The following MASP1 variants were observed in gnomAD, a reference collection of about 807,000 sequenced individuals.
MASP1 encodes mannan-binding lectin serine protease 1.
In MASP1, 59 loss-of-function variants were observed where a neutral mutation model predicts 77.1. That is an observed-to-expected ratio of 0.77 (90% CI 0.62 to 0.95). The LOEUF is 0.95. Among genes scored for constraint, MASP1 ranks in the 40% least tolerant of loss-of-function variants. The probability of loss-of-function intolerance (pLI) is 0.00; values close to 1 mark genes in which losing one functional copy is unlikely to be tolerated. For missense variants in MASP1, 885 were observed against 912.9 expected (o/e 0.97, Z 0.39); for synonymous variants, 362 against 354.5 (o/e 1.02, Z -0.24).
At chr3:187,272,396 CTG>C (rs1716598542) in intron 2 of MASP1, among the ~76,000 whole-genome samples, 1 of 152,164 alleles carries the variant, frequency 6.6e-6, no homozygotes, top group Admixed American at 6.5e-5. Flanking sequence ...CTTAAACTCT[CTG>C]TACTGTAGGG....
At chr3:187,262,131 G>T (rs1715632098) in intron 3 of MASP1, among the ~76,000 whole-genome samples, 1 of 152,166 alleles carries the variant, frequency 6.6e-6, no homozygotes, top group Non-Finnish European at 1.5e-5. Context: ...TGGTGGTAAA[G>T]TTCAGTGTCT....
intron 14 of MASP1, chr3:187,221,190 C>T: frequency 7.7e-7 from 1 of 1,297,036 alleles, no homozygotes; most frequent in Non-Finnish European, 1.1e-6. Context: ...CTCTGCTATT[C>T]TGACACCCCT....
At position 187,291,479 on chromosome 3, in the gene MASP1, T is replaced by C. The variant is rs550197231; in HGVS notation, c.5+149A>G. ...GCACCCAGCCCACCCACAGCTCCCT[T>C]CTCAGAGCCCTAAGAATTGATGAGA... On this transcript the variant is annotated intron_variant, in intron 1 of 10. Transcript: ENST00000296280. The C allele has an allele frequency of 2.7e-6, 3 of 1,099,818 alleles. No individual in the cohort carries two copies. In the Admixed American group the frequency reaches 5.6e-5, roughly 20 times the overall value. 68.1% of individuals were successfully genotyped at this position (1,099,818 alleles called of 1,614,324 possible).
rs759372241 is a variant in MASP1, at chr3:187,235,604, G to C, written c.*80C>G. 4 of 1,601,084 alleles carry C rather than the reference G, an allele frequency of 2.5e-6. No homozygotes were observed. The highest frequency in any genetic ancestry group is 1.3e-5 in the African/African-American group (1 of 74,898). On this transcript the variant is annotated 3_prime_UTR_variant, in exon 11 of 11. Coordinates refer to ENST00000296280, the MANE Select transcript of MASP1 (RefSeq NM_139125.4). ...CAGTGTGTTCCATTCCATATGGTCT[G>C]ATAAGTAATGTGGAGTGTGCTGTCG...
downstream of MASP1, chr3:187,234,031 A>C (rs986428127): frequency 8.5e-7 from 1 of 1,170,766 alleles, no homozygotes; most frequent in Non-Finnish European, 1.1e-6. Flanking sequence ...CAAAAAAGTT[A>C]AAACAAATGA....
At chr3:187,248,688 G>A (rs190376567) in intron 8 of MASP1, among the ~76,000 whole-genome samples, 18 of 152,190 alleles carry the variant, frequency 1.2e-4, no homozygotes, top group Non-Finnish European at 2.2e-4. Context: ...CGCCATGCCC[G>A]GACCTTGTCT....
rs142630054 is a variant in MASP1 at position 187,236,285 on chromosome 3, G to A, written c.1586C>T (p.Ser529Leu). Residue 529 changes from serine (S) to leucine (L), a missense_variant, in exon 11 of 11, where the codon TCG (serine) becomes TTG (leucine). Coordinates refer to ENST00000296280, the MANE Select transcript of MASP1 (RefSeq NM_139125.4). ...YLGLHDVRDK[S>L]GAVNSSAARV... is the part of the protein sequence containing the mutation. ...GGCAGCTGAGCTGTTGACTGCCCCC[G>A]ATTTGTCTCGCACATCATGCAAGCC... 10 of 1,614,108 alleles carry A rather than the reference G, an allele frequency of 6.2e-6. No individual in the cohort carries two copies. The highest frequency in any genetic ancestry group is 3.3e-5 in the Admixed American group (2 of 60,012).
chr3:187,257,830 C>T (rs1715222199), intron 4 of MASP1, among the ~76,000 whole-genome samples: 1 of 152,186 alleles, frequency 6.6e-6, no homozygotes, highest in Admixed American at 6.5e-5. Context: ...AATGGGCCCC[C>T]TGTGGCAAAG....
At chr3:187,286,850 C>T (rs1455893806) in intron 1 of MASP1, among the ~76,000 whole-genome samples, 2 of 152,178 alleles carry the variant, frequency 1.3e-5, no homozygotes, top group African/African-American at 4.8e-5. Context: ...CTTGCCTCAT[C>T]ACTCCTCTCC....
At chr3:187,222,559 T>A (rs1388680967) in intron 14 of MASP1, among the ~76,000 whole-genome samples, 1 of 152,196 alleles carries the variant, frequency 6.6e-6, no homozygotes, top group African/African-American at 2.4e-5. Context: ...TGTTGCCCCA[T>A]AACTCTGCAG....
Position 187,243,492 on chromosome 3 carries a change from T to C in MASP1, c.1220A>G (p.Asn407Ser). The change falls in exon 9 of 11, where the codon AAT (asparagine) becomes AGT (serine). Residue 407 changes from asparagine to serine, a missense_variant. Asn to Ser is a conservative substitution (Grantham distance 46). Coordinates refer to ENST00000296280, the MANE Select transcript of MASP1 (RefSeq NM_139125.4). ...CQEPYYKMLN[N>S]NTGIYTCSAQ... Reference sequence around the variant, plus strand: ...TAGCATGGATGGCTTACCTGTGTTATTGTTGAGCATCTTGTAATAGGGCTC... The same window carrying C: ...TAGCATGGATGGCTTACCTGTGTTACTGTTGAGCATCTTGTAATAGGGCTC... 1 of 1,614,208 alleles carries C rather than the reference T, an allele frequency of 6.2e-7. No homozygotes were observed. The highest frequency in any genetic ancestry group is 1.1e-5 in the South Asian group (1 of 91,080).
intron 8 of MASP1, among the ~76,000 whole-genome samples, chr3:187,245,340 C>A (rs1713987134): frequency 6.6e-6 from 1 of 152,104 alleles, no homozygotes; most frequent in Admixed American, 6.5e-5. Flanking sequence ...CCTGACCGCC[C>A]AGTTCAGGAA....
intron 2 of MASP1, among the ~76,000 whole-genome samples, chr3:187,281,861 G>A (rs1717439260): frequency 1.3e-5 from 2 of 152,174 alleles, no homozygotes; most frequent in Admixed American, 6.5e-5. Context: ...TGGCATATTT[G>A]CGCTTTTATT....
exon 16 of MASP1, chr3:187,220,187 G>T (rs753779999): frequency 3.1e-6 from 5 of 1,614,078 alleles, no homozygotes. Context: ...GTGCCCACCA[G>T]GTACCACTGG....
At chr3:187,246,893 A>G in intron 8 of MASP1, 1 of 1,038,712 alleles carries the variant, frequency 9.6e-7, no homozygotes, top group Non-Finnish European at 1.2e-6. Flanking sequence ...GCAACAGGTA[A>G]TACCTTCAGA....
At chr3:187,220,496 C>CTTTTTTTTTTTTTTT (rs376566294) in intron 15 of MASP1, among the ~76,000 whole-genome samples, 1 of 127,766 alleles carries the variant, frequency 7.8e-6, no homozygotes, top group African/African-American at 3.1e-5. Context: ...TTTTTTCTTT[C>CTTTTTTTTTTTTTTT]TTTTTTTTTT....
At chr3:187,290,041 A>G (rs566587528) in intron 1 of MASP1, among the ~76,000 whole-genome samples, 3 of 152,336 alleles carry the variant, frequency 2.0e-5, no homozygotes, top group African/African-American at 7.2e-5. Flanking sequence ...ACAAATAGGT[A>G]TTGAATGGCT....
exon 16 of MASP1, chr3:187,219,975 G>A: frequency 7.7e-6 from 10 of 1,293,292 alleles, no homozygotes; most frequent in Non-Finnish European, 1.1e-5. Context: ...GAGGGGGGAT[G>A]GGAGGAAGGA....
In MASP1 at chr3:187,250,285, A is replaced by G; in HGVS notation, c.1056T>C (p.Asp352=). The part of the protein sequence containing the change: ...MDTFQIECLK[D]GTWSNKIPTC... The stretch of plus-strand genomic sequence containing the variant: ...TGGGAATCTTGTTACTCCACGTCCC[A>G]TCCTTCAGACACTCAATCTGGAATG... The change falls in exon 8 of 11, where the codon GAT becomes GAC. Residue 352 remains aspartate, a synonymous_variant. Coordinates refer to ENST00000296280, the MANE Select transcript of MASP1 (RefSeq NM_139125.4). 3.1e-6 allele frequency: 5 copies of G among 1,614,018 alleles called. No homozygotes were observed. Among genetic ancestry groups the G allele is most frequent in the Non-Finnish European group, 4.2e-6 (5 of 1,179,908 alleles).
Sources: gnomAD v4.1 joint callset for allele counts (sites outside exome capture counted in the v4.1 genomes callset) on GRCh38, gnomAD v4.1.1 for gene constraint, MANE v1.5 for transcripts, NCBI Gene and HGNC (gene_info 2026-07-23, HGNC 2026-07-21) for gene names.